KCNA2: variants seen among roughly 807,000 people sequenced by gnomAD.
KCNA2 encodes the protein potassium channel, voltage gated shaker related subfamily A, member 2.
In KCNA2, 11 loss-of-function variants were observed where a neutral mutation model predicts 33.4. That is an observed-to-expected ratio of 0.33 (90% confidence interval 0.21 to 0.55). The LOEUF is 0.55. Among genes scored for constraint, KCNA2 ranks in the 20% least tolerant of loss-of-function variants. The probability of loss-of-function intolerance (pLI) is 0.93; values close to 1 mark genes in which losing one functional copy is unlikely to be tolerated. For missense variants in KCNA2, 291 were observed against 621.6 expected (o/e 0.47, Z 5.66); for synonymous variants, 222 against 231.3 (o/e 0.96, Z 0.37).
At chr1:110,615,919 T>A (rs1650034546) in intron 1 of KCNA2, among the ~76,000 whole-genome samples, 1 of 152,204 alleles carries the variant, frequency 6.6e-6, no homozygotes, top group African/African-American at 2.4e-5. Context: ...CCTGAAATTC[T>A]AGGCTCATCC....
Position 110,601,166 on chromosome 1 carries a change from C to G in KCNA2, c.*2117G>C, listed in dbSNP as rs1010942849. The G allele has an allele frequency of 4.1e-6, 4 of 985,288 alleles. No individual in the cohort carries two copies. The African/African-American group carries it at 5.2e-5, about 13-fold the overall frequency. 61.0% of individuals were successfully genotyped at this position (985,288 alleles called of 1,614,324 possible). A position where few individuals can be genotyped will look rare whatever the true frequency, so the allele number is the denominator to read the frequency against. ...CCATCCTTTGGTTCTTTTTAAAAAG[C>G]AGCTCTGGTTGCCAGTTTAATGGGG... On this transcript the variant is annotated 3_prime_UTR_variant, in exon 3 of 3. Transcript: ENST00000316361.
At chr1:110,623,253 T>C (rs574049781) in intron 1 of KCNA2, among the ~76,000 whole-genome samples, 7 of 152,304 alleles carry the variant, frequency 4.6e-5, no homozygotes, top group Admixed American at 3.3e-4. Context: ...AACAGCTATA[T>C]GCAACATGAA....
At position 110,595,880 on chromosome 1, in the gene KCNA2, C is replaced by T; in HGVS notation, c.*7403G>A. 2 of 985,422 alleles carry T rather than the reference C, an allele frequency of 2.0e-6. No individual in the cohort carries two copies. The highest frequency in any genetic ancestry group is 4.7e-5 in the South Asian group (1 of 21,276). The allele number at this position is 985,422 out of a possible 1,614,324, so 61.0% of individuals were successfully genotyped here. On this transcript the variant is annotated 3_prime_UTR_variant, in exon 3 of 3. Transcript: ENST00000316361. The stretch of plus-strand genomic sequence containing the variant: ...CACAAACCTCAAACCTAGGGCACCA[C>T]CAATGACAAAGAGAATGCTAAATAG...
chr1:110,629,119 C>A (rs1979701), intron 1 of KCNA2, among the ~76,000 whole-genome samples: 22,655 of 152,102 alleles, frequency 0.15, 2,201 homozygotes, highest in East Asian at 0.24. Context: ...CCTGGGGAAG[C>A]TTTAAAATTC....
intron 1 of KCNA2, among the ~76,000 whole-genome samples, chr1:110,612,276 T>C (rs559233162): frequency 6.6e-6 from 1 of 152,278 alleles, no homozygotes; most frequent in African/African-American, 2.4e-5. Context: ...TCGTAGAGTG[T>C]ACTTACACAA....
At chr1:110,613,387 G>T (rs1254919820) in intron 1 of KCNA2, among the ~76,000 whole-genome samples, 4 of 152,232 alleles carry the variant, frequency 2.6e-5, no homozygotes, top group African/African-American at 9.6e-5. Context: ...TTGCATACTG[G>T]TATCTGCTCC....
At position 110,601,720 on chromosome 1, in the gene KCNA2, T is replaced by A; in HGVS notation, c.*1563A>T. 1 of 1,157,174 alleles carries A rather than the reference T, an allele frequency of 8.6e-7. No homozygotes were observed. 71.7% of individuals were successfully genotyped at this position (1,157,174 alleles called of 1,614,324 possible). A position where few individuals can be genotyped will look rare whatever the true frequency, so the allele number is the denominator to read the frequency against. ...AGACAAATTAACCCATTAGGCCTCT[T>A]AGACAGCCAACCCACCAAGCAGTGG... is the stretch of plus-strand genomic sequence containing the variant. On this transcript the variant is annotated 3_prime_UTR_variant, in exon 3 of 3. Coordinates refer to ENST00000316361, the MANE Select transcript of KCNA2 (RefSeq NM_004974.4).
intron 1 of KCNA2, among the ~76,000 whole-genome samples, chr1:110,617,385 G>A (rs1650101047): frequency 1.3e-5 from 2 of 152,190 alleles, no homozygotes; most frequent in Non-Finnish European, 2.9e-5. Flanking sequence ...AGGTCGATGG[G>A]GGAAGACTGA....
chr1:110,599,708 C>T lies in KCNA2; in HGVS notation c.*3575G>A, dbSNP rs555299080. 4.3e-5 allele frequency: 42 copies of T among 985,382 alleles called. No homozygotes were observed. The African/African-American group carries it at 7.2e-4, about 17-fold the overall frequency. 61.0% of individuals were successfully genotyped at this position (985,382 alleles called of 1,614,324 possible). On this transcript the variant is annotated 3_prime_UTR_variant, in exon 3 of 3. Coordinates refer to ENST00000316361, the MANE Select transcript of KCNA2 (RefSeq NM_004974.4). ...ATGTTGGGGACATCTTTACCCTGGT[C>T]CTGGGCTCAAGATCCTGCAGTTTCT...
In KCNA2 at chr1:110,595,189, A is replaced by G. The variant is rs4839069; in HGVS notation, c.*8094T>C. On this transcript the variant is annotated 3_prime_UTR_variant, in exon 3 of 3. Coordinates refer to ENST00000316361, the MANE Select transcript of KCNA2 (RefSeq NM_004974.4). Reference sequence around the variant, plus strand: ...AGATGTTGCAGTAGCTGTCCACATTATTACATAATCATGCCCTGTGCATCC... The same window carrying G: ...AGATGTTGCAGTAGCTGTCCACATTGTTACATAATCATGCCCTGTGCATCC... The G allele has an allele frequency of 0.26, 257,704 of 985,126 alleles. 35,730 individuals carry two copies. The highest frequency in any genetic ancestry group is 0.71 in the East Asian group (6,279 of 8,806). 61.0% of individuals were successfully genotyped at this position (985,126 alleles called of 1,614,324 possible).
Position 110,598,128 on chromosome 1 carries a change from C to A in KCNA2, c.*5155G>T. The A allele has an allele frequency of 1.1e-6, 1 of 925,814 alleles. No individual in the cohort carries two copies. The highest frequency in any genetic ancestry group is 5.6e-4 in the Middle Eastern group (1 of 1,798). The allele number at this position is 925,814 out of a possible 1,614,324, so 57.3% of individuals were successfully genotyped here. On this transcript the variant is annotated 3_prime_UTR_variant, in exon 3 of 3. Transcript: ENST00000316361. Reference sequence around the variant, plus strand: ...GTTAAGGTCATGAGTTCAAACCCGGCAATGGATACCTTGCCAAGGCTAGGG... The same window carrying A: ...GTTAAGGTCATGAGTTCAAACCCGGAAATGGATACCTTGCCAAGGCTAGGG...
At chr1:110,630,573 T>C (rs1355950941) in intron 1 of KCNA2, among the ~76,000 whole-genome samples, 1 of 152,190 alleles carries the variant, frequency 6.6e-6, no homozygotes. Context: ...AATCATCATG[T>C]CATCTTCATC....
In KCNA2 at chr1:110,601,632, T is replaced by G. The variant is rs1472552278; in HGVS notation, c.*1651A>C. 5.9e-6 allele frequency: 6 copies of G among 1,015,224 alleles called. No homozygotes were observed. Among genetic ancestry groups the G allele is most frequent in the African/African-American group, 1.7e-5 (1 of 58,408 alleles). The allele number at this position is 1,015,224 out of a possible 1,614,324, so 62.9% of individuals were successfully genotyped here. A position where few individuals can be genotyped will look rare whatever the true frequency, so the allele number is the denominator to read the frequency against. ...GAAAGACAATTCTAACGTCTAGGAA[T>G]CCATGGATACCGGAGTGTCTGAGGC... On this transcript the variant is annotated 3_prime_UTR_variant, in exon 3 of 3. Transcript: ENST00000316361.
At chr1:110,621,838 G>A (rs1169392145) in intron 1 of KCNA2, among the ~76,000 whole-genome samples, 1 of 152,098 alleles carries the variant, frequency 6.6e-6, no homozygotes, top group Non-Finnish European at 1.5e-5. Flanking sequence ...TAAATATGTA[G>A]TTTAAAACCT....
chr1:110,624,933 C>T (rs890012709), intron 1 of KCNA2, among the ~76,000 whole-genome samples: 25 of 152,232 alleles, frequency 1.6e-4, no homozygotes, highest in Middle Eastern at 3.4e-3. Context: ...GTCCTACAGC[C>T]ATTCAGAAGT....
chr1:110,607,315 C>T (rs1649694776), upstream of KCNA2: 1 of 151,282 alleles, frequency 6.6e-6, no homozygotes, highest in African/African-American at 2.4e-5. Context: ...AGAACCCCGG[C>T]AGCGGGCGGC....
rs1239038035 is a variant in KCNA2, at chr1:110,606,348, G to A, written c.-616C>T. ...AAATCCCTCACATCTCCTCGGCAGGGAGCACAGAATAAACGCTCCGCCTGC... is the reference window on the plus strand; with the variant it reads ...AAATCCCTCACATCTCCTCGGCAGGAAGCACAGAATAAACGCTCCGCCTGC... On this transcript the variant is annotated 5_prime_UTR_variant, in exon 1 of 3. Coordinates refer to ENST00000316361, the MANE Select transcript of KCNA2 (RefSeq NM_004974.4). 3 of 152,232 alleles carry A rather than the reference G, an allele frequency of 2.0e-5. No individual in the cohort carries two copies. Among genetic ancestry groups the A allele is most frequent in the African/African-American group, 7.2e-5 (3 of 41,464 alleles). 9.4% of individuals were successfully genotyped at this position (152,232 alleles called of 1,614,324 possible).
At chr1:110,620,077 AG>A (rs1650208556) in intron 1 of KCNA2, among the ~76,000 whole-genome samples, 1 of 144,572 alleles carries the variant, frequency 6.9e-6, no homozygotes, top group Non-Finnish European at 1.5e-5. Flanking sequence ...AGAGAGAGAG[AG>A]AGAGAGAGAG....
intron 1 of KCNA2, among the ~76,000 whole-genome samples, chr1:110,618,388 A>C (rs12059347): frequency 0.045 from 6,858 of 152,112 alleles, 528 homozygotes; most frequent in African/African-American, 0.15. Context: ...CTCTCTGGAG[A>C]GTGGAGCCTA....
Sources: gnomAD v4.1 joint callset for allele counts (sites outside exome capture counted in the v4.1 genomes callset) on GRCh38, gnomAD v4.1.1 for gene constraint, MANE v1.5 for transcripts, NCBI Gene and HGNC (gene_info 2026-07-23, HGNC 2026-07-21) for gene names.